The following LRBA variants were observed in gnomAD, a reference collection of about 807,000 sequenced individuals.
LRBA encodes LPS responsive beige-like anchor protein.
Under a neutral mutation model 330.0 loss-of-function variants are expected in LRBA, and 176 were observed. The ratio of observed to expected loss-of-function variants is 0.53; its 90% confidence interval spans 0.47 to 0.60. The LOEUF is 0.60. Ranked by LOEUF, LRBA falls within the 20% of genes least tolerant of loss-of-function variation. The pLI is 0.00. For synonymous variants in LRBA, 1,230 were observed against 1,193.0 expected, an observed-to-expected ratio of 1.03 and a Z score of -0.64; for missense variants, 3,259 against 3,444.8, an observed-to-expected ratio of 0.95 and a Z score of 1.35.
intron 53 of LRBA, among the ~76,000 whole-genome samples, chr4:150,288,254 C>T (rs1748406855): frequency 6.6e-6 from 1 of 151,294 alleles, no homozygotes; most frequent in Admixed American, 6.6e-5. Flanking sequence ...GCTGGGATTA[C>T]AGGCGTGAGC....
intron 33 of LRBA, among the ~76,000 whole-genome samples, chr4:150,799,870 G>A (rs189603218): frequency 2.3e-4 from 35 of 152,148 alleles, no homozygotes; most frequent in African/African-American, 4.8e-4. Flanking sequence ...TCAGCCACCC[G>A]AGTAGCTGGA....
rs1037395674 is a variant in LRBA at position 150,896,564 on chromosome 4, T to C, written c.2005-108A>G. ...TGGTCAGCTACTATAAATATAAAAATATAATGTAATAGACAATCTAAATTT... is the reference window on the plus strand; with the variant it reads ...TGGTCAGCTACTATAAATATAAAAACATAATGTAATAGACAATCTAAATTT... On this transcript the variant is annotated intron_variant, in intron 15 of 56. Coordinates refer to ENST00000651943, the MANE Select transcript of LRBA (RefSeq NM_001364905.1). 2.2e-5 allele frequency: 13 copies of C among 584,580 alleles called. No individual in the cohort carries two copies. In the South Asian group the frequency reaches 3.1e-4, roughly 14 times the overall value. 36.2% of individuals were successfully genotyped at this position (584,580 alleles called of 1,614,324 possible). A position where few individuals can be genotyped will look rare whatever the true frequency, so the allele number is the denominator to read the frequency against.
rs181125054 is a variant in LRBA, at chr4:150,984,867, C to A, written c.216+29560G>T. ...TATAAAAGTGATGGCTTAAAAAAAACATACATATCACAAAACTGTTCTTCC... is the reference window on the plus strand; with the variant it reads ...TATAAAAGTGATGGCTTAAAAAAAAAATACATATCACAAAACTGTTCTTCC... On this transcript the variant is annotated intron_variant, in intron 2 of 56. Transcript: ENST00000651943. 2.8e-3 allele frequency among the ~76,000 whole-genome samples: 430 copies of A among 152,236 alleles called. 1 individual carries two copies. Among genetic ancestry groups the A allele is most frequent in the African/African-American group, 9.6e-3 (397 of 41,538 alleles).
chr4:150,438,768 A>G (rs1751458453), intron 44 of LRBA, among the ~76,000 whole-genome samples: 1 of 152,134 alleles, frequency 6.6e-6, no homozygotes, highest in Non-Finnish European at 1.5e-5. Flanking sequence ...TAAATTTATC[A>G]TTTTGGTTAT....
intron 54 of LRBA, among the ~76,000 whole-genome samples, chr4:150,285,583 G>C (rs1457549345): frequency 6.6e-6 from 1 of 152,154 alleles, no homozygotes; most frequent in Non-Finnish European, 1.5e-5. Flanking sequence ...TCCTGCTTCA[G>C]GGGAATATGA....
At chr4:150,675,856 T>C (rs891196196) in intron 37 of LRBA, among the ~76,000 whole-genome samples, 10 of 152,198 alleles carry the variant, frequency 6.6e-5, no homozygotes, top group African/African-American at 2.4e-4. Flanking sequence ...CTAGCATATC[T>C]AGCCTAGATA....
intron 36 of LRBA, among the ~76,000 whole-genome samples, chr4:150,719,322 T>C (rs1728628655): frequency 6.6e-6 from 1 of 151,986 alleles, no homozygotes; most frequent in African/African-American, 2.4e-5. Context: ...AATCACTAAA[T>C]TTCAAATTTA....
chr4:150,900,160 A>G lies in LRBA; in HGVS notation c.1813T>C (p.Tyr605His), dbSNP rs1260740540. The G allele has an allele frequency of 3.1e-6, 5 of 1,613,002 alleles. No homozygotes were observed. Among genetic ancestry groups the G allele is most frequent in the African/African-American group, 1.3e-5 (1 of 75,004 alleles). The change falls in exon 14 of 57, where the codon TAT becomes CAT. Residue 605 changes from tyrosine to histidine, a missense_variant. By Grantham distance (83) the Tyr-to-His change is moderately conservative. Transcript: ENST00000651943. The part of the protein sequence containing the change: ...STEFIGTVNI[Y>H]NTIRRVGTVL... ...GTTCCAACTCTCCGAATGGTGTTATATATGTTGACTGTACCAATGAATTCC... is the reference window on the plus strand; with the variant it reads ...GTTCCAACTCTCCGAATGGTGTTATGTATGTTGACTGTACCAATGAATTCC...
chr4:150,617,054 C>T (rs188229546), intron 37 of LRBA, among the ~76,000 whole-genome samples: 2 of 152,252 alleles, frequency 1.3e-5, no homozygotes, highest in African/African-American at 4.8e-5. Context: ...AGGGTTTATA[C>T]TTCAAATACT....
chr4:150,773,626 C>T (rs1291664175), intron 34 of LRBA, among the ~76,000 whole-genome samples: 1 of 152,184 alleles, frequency 6.6e-6, no homozygotes, highest in Non-Finnish European at 1.5e-5. Flanking sequence ...TACAGTATTG[C>T]TTTTGGCTTA....
chr4:150,834,661 C>T (rs568445418), intron 28 of LRBA, among the ~76,000 whole-genome samples: 14 of 152,106 alleles, frequency 9.2e-5, no homozygotes, highest in Admixed American at 3.9e-4. Flanking sequence ...CTTAAGGGTC[C>T]GAGGATTTTC....
At chr4:150,741,451 A>C (rs1328401423) in intron 35 of LRBA, among the ~76,000 whole-genome samples, 1 of 152,168 alleles carries the variant, frequency 6.6e-6, no homozygotes, top group Admixed American at 6.5e-5. Flanking sequence ...TTAAAACCAT[A>C]AGATATACTA....
At chr4:150,392,817 G>C (rs1744179410) in intron 47 of LRBA, among the ~76,000 whole-genome samples, 1 of 151,022 alleles carries the variant, frequency 6.6e-6, no homozygotes, top group Non-Finnish European at 1.5e-5. Context: ...TGGACACAGG[G>C]GGAGGGGAAC....
At chr4:150,418,093 T>C (rs1159380911) in intron 46 of LRBA, among the ~76,000 whole-genome samples, 3 of 151,428 alleles carry the variant, frequency 2.0e-5, no homozygotes, top group Non-Finnish European at 4.4e-5. Context: ...GGCACAATCA[T>C]AGTTCACCGT....
chr4:150,815,826 G>T (rs1744499228), intron 31 of LRBA, among the ~76,000 whole-genome samples: 1 of 151,740 alleles, frequency 6.6e-6, no homozygotes, highest in Non-Finnish European at 1.5e-5. Context: ...TAAGTCACTT[G>T]GTTGTAATTA....
At chr4:150,736,456 AT>A (rs1731188405) in intron 35 of LRBA, among the ~76,000 whole-genome samples, 1 of 152,120 alleles carries the variant, frequency 6.6e-6, no homozygotes. Flanking sequence ...CTGAAAAAAA[AT>A]AAATAAATAT....
chr4:150,348,928 C>G (rs1025932870), intron 48 of LRBA, among the ~76,000 whole-genome samples: 2 of 152,054 alleles, frequency 1.3e-5, no homozygotes, highest in Non-Finnish European at 2.9e-5. Context: ...AAATAAAATA[C>G]CCCCAGAAGG....
chr4:150,736,147 G>A (rs1731150712), intron 35 of LRBA, among the ~76,000 whole-genome samples: 1 of 152,172 alleles, frequency 6.6e-6, no homozygotes, highest in Non-Finnish European at 1.5e-5. Context: ...ACCCAGCCTT[G>A]AGTCAGCTCA....
At chr4:150,771,304 T>C (rs776084485) in intron 34 of LRBA, among the ~76,000 whole-genome samples, 10 of 152,174 alleles carry the variant, frequency 6.6e-5, no homozygotes, top group Non-Finnish European at 1.5e-4. Flanking sequence ...TCAGTACACA[T>C]ATATCCTTCT....
Sources: allele counts gnomAD v4.1 joint callset (sites outside exome capture counted in the v4.1 genomes callset), GRCh38; gene constraint gnomAD v4.1.1; transcripts MANE v1.5; gene names NCBI Gene and HGNC (gene_info 2026-07-23, HGNC 2026-07-21).